Variants in RFTN2 observed in about 807,000 individuals in gnomAD.
RFTN2 encodes the protein raftlin-2.
A neutral mutation model predicts 52.7 loss-of-function variants in RFTN2; 34 were observed. The ratio of observed to expected loss-of-function variants is 0.64; its 90% CI spans 0.49 to 0.86. RFTN2 has a LOEUF of 0.86. Ranked by LOEUF, RFTN2 falls within the 40% of genes least tolerant of loss-of-function variation. The pLI, the probability that RFTN2 is intolerant of heterozygous loss-of-function variation, is 0.00. For synonymous variants in RFTN2, 203 were observed against 217.7 expected (o/e 0.93, Z 0.59); for missense variants, 536 against 600.1 (o/e 0.89, Z 1.12).
chr2:197,606,275 T>A (rs1258709422), intron 7 of RFTN2, among the ~76,000 whole-genome samples: 1 of 152,184 alleles, frequency 6.6e-6, no homozygotes, highest in African/African-American at 2.4e-5. Flanking sequence ...TTCCTGTATG[T>A]CTGCCCCTAG....
chr2:197,585,960 T>G (rs926207632), intron 8 of RFTN2, among the ~76,000 whole-genome samples: 2 of 152,204 alleles, frequency 1.3e-5, no homozygotes, highest in African/African-American at 4.8e-5. Context: ...TTTGTATCTC[T>G]CAGCAAAGAC....
Position 197,568,445 on chromosome 2 carries a change from C to A in RFTN2, c.*3563G>T, listed in dbSNP as rs896782212. 2 of 152,126 alleles carry A rather than the reference C, an allele frequency of 1.3e-5. No individual in the cohort carries two copies. The highest frequency in any genetic ancestry group is 4.8e-5 in the African/African-American group (2 of 41,422). The allele number at this position is 152,126 out of a possible 1,614,324, so 9.4% of individuals were successfully genotyped here. On this transcript the variant is annotated 3_prime_UTR_variant, in exon 9 of 9. Coordinates refer to ENST00000295049, the MANE Select transcript of RFTN2 (RefSeq NM_144629.3). ...CTCAGAACTTAAATATCTGACAGAC[C>A]TGGTTCTGCAAACTTTGCACTATTA...
At chr2:197,601,715 T>G (rs1173710093) in intron 7 of RFTN2, among the ~76,000 whole-genome samples, 1 of 152,202 alleles carries the variant, frequency 6.6e-6, no homozygotes, top group Admixed American at 6.5e-5. Context: ...CAGATTTTTA[T>G]TTAGCATCCT....
rs376316245 is a variant in RFTN2 at position 197,633,872 on chromosome 2, G to A, written c.564C>T (p.His188=). Residue 188 remains histidine (H), a synonymous_variant, in exon 4 of 9, where the codon CAC becomes CAT. Coordinates refer to ENST00000295049, the MANE Select transcript of RFTN2 (RefSeq NM_144629.3). The part of the protein sequence containing the change: ...GDIESMLHVR[H]GSDENCRSWN... ...AACTTCTACAGTTTTCATCTGAACC[G>A]TGTCTCACATGTAGCATCGATTCTA... 19 of 1,613,706 alleles carry A rather than the reference G, an allele frequency of 1.2e-5. No homozygotes were observed. The highest frequency in any genetic ancestry group is 1.1e-4 in the African/African-American group (8 of 74,868).
Position 197,649,865 on chromosome 2 carries a change from A to G in RFTN2, c.140-3199T>C, listed in dbSNP as rs1429597093. On this transcript the variant is annotated intron_variant, in intron 1 of 8. Transcript: ENST00000295049. ...GCACTTAAGTTGCTACTACATATAG[A>G]TTATTTGAAAGTATTTCAATGGTTC... is the stretch of plus-strand genomic sequence containing the variant. 1.3e-5 allele frequency among the ~76,000 whole-genome samples: 2 copies of G among 152,198 alleles called. 1 individual carries two copies. The highest frequency in any genetic ancestry group is 2.9e-5 in the Non-Finnish European group (2 of 68,040).
chr2:197,675,569 C>A lies in RFTN2; in HGVS notation c.-111G>T. 4 of 137,872 alleles carry A rather than the reference C, an allele frequency of 2.9e-5. No homozygotes were observed. Among genetic ancestry groups the A allele is most frequent in the Non-Finnish European group, 5.2e-5 (4 of 76,812 alleles). 8.5% of individuals were successfully genotyped at this position (137,872 alleles called of 1,614,324 possible). A position where few individuals can be genotyped will look rare whatever the true frequency, so the allele number is the denominator to read the frequency against. On this transcript the variant is annotated 5_prime_UTR_variant, in exon 1 of 9. Transcript: ENST00000295049. ...GACTTAACTGCTTTGATTTTGTTTT[C>A]AGCTAAACTATAGATAACCAAAAAA...
At chr2:197,625,469 G>A (rs1007017221) in intron 5 of RFTN2, among the ~76,000 whole-genome samples, 1 of 152,106 alleles carries the variant, frequency 6.6e-6, no homozygotes, top group African/African-American at 2.4e-5. Flanking sequence ...CCCAGAGGTG[G>A]GCCCGGGAGC....
intron 7 of RFTN2, among the ~76,000 whole-genome samples, chr2:197,612,511 G>A (rs2088080161): frequency 6.6e-6 from 1 of 152,160 alleles, no homozygotes; most frequent in East Asian, 1.9e-4. Flanking sequence ...CAGCTGGTTT[G>A]GTCCTCCACC....
At position 197,662,751 on chromosome 2, in the gene RFTN2, T is replaced by C. The variant is rs1212571542; in HGVS notation, c.139+12569A>G. Among the ~76,000 whole-genome samples, 4 of 152,174 alleles carry C rather than the reference T, an allele frequency of 2.6e-5. No individual in the cohort carries two copies. The East Asian group carries it at 7.7e-4, about 29-fold the overall frequency. On this transcript the variant is annotated intron_variant, in intron 1 of 8. Transcript: ENST00000295049. ...TGAGCATGAGATGTCTTTTCTTTTG[T>C]TTGGTGTCCTCTTCCATTTCGTTCT... is the stretch of plus-strand genomic sequence containing the variant.
chr2:197,668,836 C>A (rs1266200081), intron 1 of RFTN2, among the ~76,000 whole-genome samples: 1 of 152,134 alleles, frequency 6.6e-6, no homozygotes, highest in Non-Finnish European at 1.5e-5. Context: ...TTGGCAGCTC[C>A]CTCTGTTAGT....
intron 1 of RFTN2, among the ~76,000 whole-genome samples, chr2:197,667,280 C>T (rs1215982083): frequency 6.6e-6 from 1 of 152,206 alleles, no homozygotes; most frequent in Non-Finnish European, 1.5e-5. Flanking sequence ...GCCATGGCAC[C>T]TGGCTGGGTT....
intron 8 of RFTN2, among the ~76,000 whole-genome samples, chr2:197,582,099 C>T (rs1447022286): frequency 2.6e-5 from 4 of 152,252 alleles, no homozygotes; most frequent in African/African-American, 9.6e-5. Flanking sequence ...CTTGACCTTA[C>T]TGTTTTAGGC....
intron 3 of RFTN2, among the ~76,000 whole-genome samples, chr2:197,634,398 A>T (rs1017890792): frequency 1.2e-4 from 18 of 152,180 alleles, no homozygotes; most frequent in Admixed American, 8.5e-4. Flanking sequence ...CTTCATTAAT[A>T]AAGGTTTATT....
chr2:197,653,880 C>T (rs1229976743), intron 1 of RFTN2, among the ~76,000 whole-genome samples: 1 of 152,188 alleles, frequency 6.6e-6, no homozygotes, highest in Non-Finnish European at 1.5e-5. Context: ...TACACTTTCA[C>T]AATTTTGGTC....
chr2:197,595,801 T>G (rs930936070), intron 8 of RFTN2, among the ~76,000 whole-genome samples, 190 bp downstream of exon 8: 23 of 152,270 alleles, frequency 1.5e-4, no homozygotes, highest in African/African-American at 5.5e-4. Context: ...GCATATTTTG[T>G]GATGGCATAT....
chr2:197,624,619 AAAGAAAG>A (rs1559353987), intron 5 of RFTN2, among the ~76,000 whole-genome samples: 2 of 148,812 alleles, frequency 1.3e-5, no homozygotes, highest in South Asian at 4.2e-4. Context: ...AAAAAAAAAA[AAAGAAAG>A]AGCCAATTGA....
At chr2:197,644,439 A>G (rs536713800) in intron 2 of RFTN2, among the ~76,000 whole-genome samples, 167 bp from the exon 3 acceptor site, 1 of 152,362 alleles carries the variant, frequency 6.6e-6, no homozygotes, top group African/African-American at 2.4e-5. Flanking sequence ...GAAAAGCACA[A>G]TAACTTCTAT....
At position 197,631,210 on chromosome 2, in the gene RFTN2, G is replaced by T; in HGVS notation, c.729C>A (p.Asn243Lys). Residue 243 changes from asparagine to lysine, a missense_variant, in exon 5 of 9, where the codon AAC (asparagine) becomes AAA (lysine). Physicochemically the swap from Asn to Lys is moderately conservative, Grantham distance 94 (BLOSUM62 0). Transcript: ENST00000295049. The part of the protein sequence containing the change: ...SKSRKGEASD[N>K]KLYTVFNAFD... ...AAGCATTGAAGACTGTATACAATTT[G>T]TTATCTGAGGCTAGGCATTCAGAAG... 1 of 1,608,508 alleles carries T rather than the reference G, an allele frequency of 6.2e-7. No individual in the cohort carries two copies. The highest frequency in any genetic ancestry group is 1.1e-5 in the South Asian group (1 of 89,362).
At chr2:197,624,540 G>A (rs2088321329) in intron 5 of RFTN2, among the ~76,000 whole-genome samples, 1 of 138,150 alleles carries the variant, frequency 7.2e-6, no homozygotes, top group Non-Finnish European at 1.5e-5. Flanking sequence ...GGAGCTTGCA[G>A]TGAGCCAAGA....
Sources: gnomAD v4.1 joint callset for allele counts (sites outside exome capture counted in the v4.1 genomes callset) on GRCh38, gnomAD v4.1.1 for gene constraint, MANE v1.5 for transcripts, NCBI Gene and HGNC (gene_info 2026-07-23, HGNC 2026-07-21) for gene names.